Variants in AP1S2 observed in about 807,000 individuals in gnomAD.
AP1S2 encodes the protein adaptor related protein complex 1 subunit sigma 2, also known as AP-1 complex subunit sigma-2.
In AP1S2, 1 loss-of-function variant was observed where a neutral mutation model predicts 14.3. The ratio of observed to expected loss-of-function variants is 0.07; its 90% CI spans 0.02 to 0.33. The LOEUF (loss-of-function observed/expected upper bound fraction) is 0.33, where lower values mean the gene tolerates loss of function less well. Among genes scored for constraint, AP1S2 ranks in the 10% least tolerant of loss-of-function variants. The pLI is 0.99. For missense variants in AP1S2, 30 were observed against 117.7 expected (o/e 0.25, Z 3.45); for synonymous variants, 30 against 40.5 (o/e 0.74, Z 0.99).
chrX:15,847,837 C>G (rs1347774153), intron 2 of AP1S2, among the ~76,000 whole-genome samples: 2 of 112,089 alleles, frequency 1.8e-5, no homozygotes, highest in African/African-American at 6.5e-5. Context: ...CCAGATATGA[C>G]TAGCTGATAG....
At position 15,834,648 on chromosome X, in the gene AP1S2, G is replaced by GT. The variant is rs1321975063; in HGVS notation, c.427-6449dup. On this transcript the variant is annotated intron_variant, in intron 4 of 5. Transcript: ENST00000672987. ...CCACCACTGTGCCCGGCTAATTTTT[G>GT]TATTTTTTTTTTTTTTTTAGTAGAG... 3.9e-3 allele frequency among the ~76,000 whole-genome samples: 332 copies of GT among 84,259 alleles called. 5 individuals are homozygous for GT. Among genetic ancestry groups the GT allele is most frequent in the Non-Finnish European group, 4.9e-3 (214 of 43,261 alleles). The allele number at this position is 84,259 out of a possible 115,157, so 73.2% of individuals were successfully genotyped here.
intron 4 of AP1S2, chrX:15,832,115 T>C: frequency 1.3e-6 from 1 of 751,396 alleles, no homozygotes; most frequent in Non-Finnish European, 1.6e-6. Context: ...ATATTACTTT[T>C]TTAAAAATCC....
rs1933288411 is a variant in AP1S2 at position 15,827,102 on chromosome X, G to T, written c.*223C>A. On this transcript the variant is annotated 3_prime_UTR_variant, in exon 6 of 6. Transcript: ENST00000672987. ...TTAAACTTTAAAATATCCAGAAAAG[G>T]TATCTCTTTCTGCACCATTCTAATT... The T allele has an allele frequency of 1.2e-5, 5 of 412,425 alleles. No individual in the cohort carries two copies. Among genetic ancestry groups the T allele is most frequent in the Non-Finnish European group, 1.7e-5 (4 of 236,085 alleles). The allele number at this position is 412,425 out of a possible 1,213,427, so 34.0% of individuals were successfully genotyped here.
intron 2 of AP1S2, among the ~76,000 whole-genome samples, chrX:15,850,425 C>T (rs1050454415): frequency 1.8e-5 from 2 of 110,342 alleles, no homozygotes; most frequent in African/African-American, 6.6e-5. Flanking sequence ...AATCAGGGCT[C>T]AGTGCAGGCT....
rs201939651 is a variant in AP1S2 at position 15,826,775 on chromosome X, T to TAA, written c.*548_*549dup. ...TCATTAAAAATAATCTGTAGTCCTTTAAAAAAAAAAAAAAAAGGTATGTAA... is the reference window on the plus strand; with the variant it reads ...TCATTAAAAATAATCTGTAGTCCTTTAAAAAAAAAAAAAAAAAAGGTATGTAA... On this transcript the variant is annotated 3_prime_UTR_variant, in exon 6 of 6. Coordinates refer to ENST00000672987, the MANE Select transcript of AP1S2 (RefSeq NM_001272071.2). 229 of 93,375 alleles carry TAA rather than the reference T, an allele frequency of 2.5e-3. No individual in the cohort carries two copies. The highest frequency in any genetic ancestry group is 2.7e-3 in the Non-Finnish European group (130 of 47,327). 7.7% of individuals were successfully genotyped at this position (93,375 alleles called of 1,213,427 possible).
intron 2 of AP1S2, among the ~76,000 whole-genome samples, chrX:15,851,898 C>T (rs1205921040): frequency 8.9e-6 from 1 of 112,202 alleles, no homozygotes; most frequent in Non-Finnish European, 1.9e-5. Context: ...AAGGTATTTA[C>T]ACGTGAGTAA....
At chrX:15,833,416 A>T in intron 4 of AP1S2, 1 of 877,354 alleles carries the variant, frequency 1.1e-6, no homozygotes, top group Non-Finnish European at 1.4e-6. Context: ...CCATTGATCC[A>T]TATTACTGTA....
intron 4 of AP1S2, among the ~76,000 whole-genome samples, chrX:15,829,346 AATGTT>A (rs1459669107): frequency 4.5e-5 from 5 of 111,800 alleles, no homozygotes; most frequent in Non-Finnish European, 7.5e-5. Context: ...ATTTCCATGT[AATGTT>A]AAGTAGTTTA....
chrX:15,827,452 G>T, intron 5 of AP1S2, 80 bp from the exon 6 acceptor site: 1 of 908,720 alleles, frequency 1.1e-6, no homozygotes, highest in Non-Finnish European at 1.6e-6. Context: ...GGAAGAACAT[G>T]CTTGTTTTAG....
intron 4 of AP1S2, among the ~76,000 whole-genome samples, chrX:15,844,047 A>C (rs781631980): frequency 1.9e-4 from 21 of 111,996 alleles, no homozygotes; most frequent in Non-Finnish European, 3.9e-4. Flanking sequence ...CAGGCACCTT[A>C]ACCACTCTTC....
rs1295986255 is a variant in AP1S2, at chrX:15,827,178, A to C, written c.*147T>G. ...TTAACTAAAGTTCCCTTTTAAAAAA[A>C]AATTGTGTAGGCATGAATGAAGCGG... On this transcript the variant is annotated 3_prime_UTR_variant, in exon 6 of 6. Coordinates refer to ENST00000672987, the MANE Select transcript of AP1S2 (RefSeq NM_001272071.2). The C allele has an allele frequency of 7.0e-6, 4 of 570,869 alleles. No homozygotes were observed. The Admixed American group carries it at 1.1e-4, about 15-fold the overall frequency. The allele number at this position is 570,869 out of a possible 1,213,427, so 47.0% of individuals were successfully genotyped here. A position where few individuals can be genotyped will look rare whatever the true frequency, so the allele number is the denominator to read the frequency against.
intron 2 of AP1S2, among the ~76,000 whole-genome samples, chrX:15,849,092 G>C (rs1345228693): frequency 8.9e-6 from 1 of 111,944 alleles, no homozygotes; most frequent in Non-Finnish European, 1.9e-5. Context: ...AGAGCATTTA[G>C]AGATAAGGAA....
intron 4 of AP1S2, among the ~76,000 whole-genome samples, chrX:15,839,649 C>CT (rs56962741): frequency 2.1e-4 from 21 of 101,336 alleles, no homozygotes; most frequent in South Asian, 4.4e-4. Flanking sequence ...CCCAGCTAGT[C>CT]TTTTTTTTTT....
intron 4 of AP1S2, among the ~76,000 whole-genome samples, chrX:15,839,746 C>T (rs1350788023): frequency 9.1e-6 from 1 of 110,204 alleles, no homozygotes; most frequent in Non-Finnish European, 1.9e-5. Flanking sequence ...CCCCGGCCTC[C>T]CAAAGTGCTG....
intron 4 of AP1S2, among the ~76,000 whole-genome samples, chrX:15,843,791 T>C (rs1436078821): frequency 9.0e-6 from 1 of 111,652 alleles, no homozygotes; most frequent in Non-Finnish European, 1.9e-5. Context: ...TGACCTAATT[T>C]TTAAAAAAGT....
chrX:15,846,293 TAGC>T lies in AP1S2; in HGVS notation c.180-285_180-283del, dbSNP rs1229469867. Among the ~76,000 whole-genome samples, 28 of 112,003 alleles carry T rather than the reference TAGC, an allele frequency of 2.5e-4. No homozygotes were observed. In the Admixed American group the frequency reaches 2.6e-3, roughly 10 times the overall value. On this transcript the variant is annotated intron_variant, in intron 2 of 5. Transcript: ENST00000672987. ...TCTTTTCTATAAGCATTTTAAAACA[TAGC>T]AGACCCAGGTTTTTCCTAAGTTTAC...
rs1401347444 is a variant in AP1S2 at position 15,830,343 on chromosome X, G to C, written c.427-2143C>G. ...ATATATAATGCTAAATTTCCCACCTGATTGATAGCACATCCAGGTGCTTCA... is the reference window on the plus strand; with the variant it reads ...ATATATAATGCTAAATTTCCCACCTCATTGATAGCACATCCAGGTGCTTCA... On this transcript the variant is annotated intron_variant, in intron 4 of 5. Coordinates refer to ENST00000672987, the MANE Select transcript of AP1S2 (RefSeq NM_001272071.2). The C allele has an allele frequency of 6.6e-6, 5 of 752,174 alleles. No homozygotes were observed. In the East Asian group the frequency reaches 7.6e-4, roughly 114 times the overall value. 62.0% of individuals were successfully genotyped at this position (752,174 alleles called of 1,213,427 possible).
At chrX:15,845,597 G>T in intron 3 of AP1S2, 81 bp from the exon 4 acceptor site, 1 of 1,122,291 alleles carries the variant, frequency 8.9e-7, no homozygotes. Context: ...TTCACTATCA[G>T]GTAGTGAATA....
intron 2 of AP1S2, among the ~76,000 whole-genome samples, chrX:15,850,386 C>T (rs5936068): frequency 0.24 from 26,498 of 110,031 alleles, 2,340 homozygotes; most frequent in East Asian, 0.35. Context: ...GGGTCTCACT[C>T]TGTCACCTAG....
Sources: allele counts gnomAD v4.1 joint callset (sites outside exome capture counted in the v4.1 genomes callset), GRCh38; gene constraint gnomAD v4.1.1; transcripts MANE v1.5; gene names NCBI Gene and HGNC (gene_info 2026-07-23, HGNC 2026-07-21).